TMEFF2: variants seen among roughly 807,000 people sequenced by gnomAD.
TMEFF2 encodes tomoregulin-2.
Under a neutral mutation model 53.8 loss-of-function variants are expected in TMEFF2, and 28 were observed. That is an observed-to-expected ratio of 0.52 (90% confidence interval 0.39 to 0.71). TMEFF2 has a LOEUF of 0.71. Ranked by LOEUF, TMEFF2 falls within the 30% of genes least tolerant of loss-of-function variation. The pLI is 0.00. For synonymous variants in TMEFF2, 162 were observed against 166.3 expected (o/e 0.97, Z 0.20); for missense variants, 353 against 455.2 (o/e 0.78, Z 2.04).
intron 7 of TMEFF2, among the ~76,000 whole-genome samples, chr2:191,969,867 C>T (rs1050426802): frequency 2.6e-5 from 4 of 152,130 alleles, no homozygotes; most frequent in African/African-American, 7.2e-5. Flanking sequence ...GTGGGTTTGA[C>T]ATGTTAAATG....
chr2:192,015,308 C>CTTTTTTTTTTTTTT (rs34696715), intron 5 of TMEFF2, among the ~76,000 whole-genome samples: 2 of 76,272 alleles, frequency 2.6e-5, no homozygotes, highest in Non-Finnish European at 4.6e-5. Flanking sequence ...ATCACTGAAG[C>CTTTTTTTTTTTTTT]TTTTTTTTTT....
intron 3 of TMEFF2, among the ~76,000 whole-genome samples, chr2:192,181,790 C>T (rs1326729025): frequency 1.3e-5 from 2 of 151,522 alleles, no homozygotes; most frequent in African/African-American, 4.8e-5. Flanking sequence ...GGGGCATGGT[C>T]CTTAAGACAA....
At chr2:192,034,668 C>G (rs1315631871) in intron 5 of TMEFF2, 1 of 152,178 alleles carries the variant, frequency 6.6e-6, no homozygotes, top group Non-Finnish European at 1.5e-5. Context: ...ATGATTGTCT[C>G]TGGTTCATTT....
intron 4 of TMEFF2, among the ~76,000 whole-genome samples, chr2:192,102,572 C>A (rs1447994504): frequency 6.6e-6 from 1 of 151,306 alleles, no homozygotes; most frequent in Non-Finnish European, 1.5e-5. Flanking sequence ...TCCTTCCCCT[C>A]CTTTTATTTT....
intron 7 of TMEFF2, among the ~76,000 whole-genome samples, chr2:191,987,690 T>C (rs1175134816): frequency 6.6e-6 from 1 of 152,174 alleles, no homozygotes; most frequent in African/African-American, 2.4e-5. Context: ...TAAATTTAGA[T>C]GAATTAGAAC....
intron 7 of TMEFF2, among the ~76,000 whole-genome samples, chr2:191,967,055 G>A (rs12612396): frequency 0.78 from 118,512 of 151,698 alleles, 46,347 homozygotes; most frequent in East Asian, 0.94. Context: ...AAAGGAAACT[G>A]AAAAGTTCCA....
intron 4 of TMEFF2, among the ~76,000 whole-genome samples, chr2:192,150,979 TC>T (rs1463759089): frequency 2.0e-5 from 3 of 151,776 alleles, no homozygotes; most frequent in African/African-American, 7.2e-5. Context: ...ATCCCTATAA[TC>T]CCCATGTGTC....
chr2:192,038,460 T>A (rs142766535), intron 5 of TMEFF2, among the ~76,000 whole-genome samples: 1 of 152,322 alleles, frequency 6.6e-6, no homozygotes, highest in East Asian at 1.9e-4. Flanking sequence ...TAAATTTTTT[T>A]TTTAAACCTT....
intron 4 of TMEFF2, among the ~76,000 whole-genome samples, chr2:192,167,563 G>C (rs1359618121): frequency 6.6e-6 from 1 of 151,964 alleles, no homozygotes; most frequent in African/African-American, 2.4e-5. Flanking sequence ...ATTTTGCATA[G>C]AAAAGTCCTT....
intron 1 of TMEFF2, among the ~76,000 whole-genome samples, chr2:192,193,747 G>A (rs1276793103): frequency 2.9e-5 from 1 of 34,758 alleles, no homozygotes; most frequent in African/African-American, 1.0e-4. Flanking sequence ...GAGAGAGAGA[G>A]AGAGATAGAT....
chr2:192,131,616 C>T (rs1689831707), intron 4 of TMEFF2, among the ~76,000 whole-genome samples: 1 of 152,066 alleles, frequency 6.6e-6, no homozygotes, highest in Admixed American at 6.6e-5. Flanking sequence ...ACTTTCTCTG[C>T]TTTTCTGGAG....
chr2:192,176,719 C>G (rs930006183), intron 4 of TMEFF2: 2 of 151,074 alleles, frequency 1.3e-5, no homozygotes, highest in African/African-American at 2.4e-5. Context: ...AATGTTCTCT[C>G]AAATGCAGTA....
At position 191,969,701 on chromosome 2, in the gene TMEFF2, C is replaced by G. The variant is rs1035329568; in HGVS notation, c.746-13323G>C. Among the ~76,000 whole-genome samples, 6 of 103,784 alleles carry G rather than the reference C, an allele frequency of 5.8e-5. No homozygotes were observed. In the South Asian group the frequency reaches 1.8e-3, roughly 31 times the overall value. The allele number at this position is 103,784 out of a possible 152,430, so 68.1% of individuals were successfully genotyped here. A position where few individuals can be genotyped will look rare whatever the true frequency, so the allele number is the denominator to read the frequency against. On this transcript the variant is annotated intron_variant, in intron 7 of 9. Coordinates refer to ENST00000272771, the MANE Select transcript of TMEFF2 (RefSeq NM_016192.4). ...TGTAGATCTGAATTAATTTATAAATCTGGAGTACTGCCATTTGACAGTACC... is the reference window on the plus strand; with the variant it reads ...TGTAGATCTGAATTAATTTATAAATGTGGAGTACTGCCATTTGACAGTACC...
At chr2:192,099,458 A>C (rs1688984776) in intron 4 of TMEFF2, among the ~76,000 whole-genome samples, 2 of 152,168 alleles carry the variant, frequency 1.3e-5, no homozygotes, top group African/African-American at 4.8e-5. Flanking sequence ...ACACTTTTGC[A>C]TATAGATTTC....
chr2:192,010,424 A>G (rs1686599953), intron 5 of TMEFF2, among the ~76,000 whole-genome samples: 1 of 152,218 alleles, frequency 6.6e-6, no homozygotes, highest in South Asian at 2.1e-4. Flanking sequence ...AGCTTTAAAA[A>G]GTAAGAAAGG....
intron 7 of TMEFF2, among the ~76,000 whole-genome samples, chr2:191,993,190 A>C (rs1686147499): frequency 6.6e-6 from 1 of 152,014 alleles, no homozygotes; most frequent in Non-Finnish European, 1.5e-5. Context: ...ACTCACTTAA[A>C]CTATCTAGAT....
intron 4 of TMEFF2, among the ~76,000 whole-genome samples, chr2:192,058,284 T>G (rs954733021): frequency 6.6e-6 from 1 of 152,184 alleles, no homozygotes; most frequent in African/African-American, 2.4e-5. Context: ...TGTTAAGTAC[T>G]TATAAGAAAA....
chr2:192,173,459 A>T (rs1367213866), intron 4 of TMEFF2, among the ~76,000 whole-genome samples: 1 of 151,746 alleles, frequency 6.6e-6, no homozygotes, highest in Non-Finnish European at 1.5e-5. Flanking sequence ...TCTTTCTAAA[A>T]AGTTTAATCC....
Position 192,191,865 on chromosome 2 carries a change from T to C in TMEFF2, c.282+15A>G. ...TCATTAATGAATTAGAAGATGCAAA[T>C]ATAAGACTTCTTACCTTGAACTGAC... On this transcript the variant is annotated intron_variant, in intron 2 of 9. Transcript: ENST00000272771. The C allele has an allele frequency of 6.5e-7, 1 of 1,546,414 alleles. No individual in the cohort carries two copies. Among genetic ancestry groups the C allele is most frequent in the Non-Finnish European group, 8.9e-7 (1 of 1,119,286 alleles).
Sources: gnomAD v4.1 joint callset for allele counts (sites outside exome capture counted in the v4.1 genomes callset) on GRCh38, gnomAD v4.1.1 for gene constraint, MANE v1.5 for transcripts, NCBI Gene and HGNC (gene_info 2026-07-23, HGNC 2026-07-21) for gene names.